Variants in TRANK1 observed in about 807,000 individuals in gnomAD.
The protein encoded by TRANK1 is tetratricopeptide repeat and ankyrin repeat containing 1.
TRANK1 carries 198 observed loss-of-function variants against 266.0 expected under a neutral mutation model. The ratio of observed to expected loss-of-function variants is 0.74; its 90% CI spans 0.66 to 0.84. The LOEUF (loss-of-function observed/expected upper bound fraction) is 0.84, where lower values mean the gene tolerates loss of function less well. TRANK1 is among the 40% of genes least tolerant of loss of function. The probability of loss-of-function intolerance (pLI) is 0.00; values close to 1 mark genes in which losing one functional copy is unlikely to be tolerated. For missense variants in TRANK1, 3,326 were observed against 3,634.6 expected, an observed-to-expected ratio of 0.92 and a Z score of 2.18; for synonymous variants, 1,396 against 1,384.1, an observed-to-expected ratio of 1.01 and a Z score of -0.19.
intron 1 of TRANK1, among the ~76,000 whole-genome samples, chr3:36,940,722 G>T (rs190558216): frequency 6.6e-6 from 1 of 152,066 alleles, no homozygotes; most frequent in South Asian, 2.1e-4. Flanking sequence ...CATTAACTCC[G>T]TTCTATCACA....
chr3:36,834,543 C>G (rs571210571), intron 21 of TRANK1: 303 of 488,464 alleles, frequency 6.2e-4, no homozygotes, highest in Non-Finnish European at 9.2e-4. Flanking sequence ...TCAGCCCCCT[C>G]TCTTTGTGAC....
intron 1 of TRANK1, among the ~76,000 whole-genome samples, chr3:36,939,260 T>TACACACACACAC (rs10623771): frequency 4.3e-5 from 6 of 139,830 alleles, no homozygotes; most frequent in South Asian, 2.4e-4. Context: ...CATTCTAACA[T>TACACACACACAC]ACACACACAC....
In TRANK1 at chr3:36,856,503, G is replaced by T; in HGVS notation, c.3219C>A (p.Ile1073=). The change falls in exon 13 of 24, where the codon ATC becomes ATA. Residue 1073 remains isoleucine (I), a synonymous_variant. Coordinates refer to ENST00000645898, the MANE Select transcript of TRANK1 (RefSeq NM_001329998.2). ...TCCCAGTGCCACTTCGCCCAATAAGGATGATGGGCTCCAGTGGCCTGGGAT... is the reference window on the plus strand; with the variant it reads ...TCCCAGTGCCACTTCGCCCAATAAGTATGATGGGCTCCAGTGGCCTGGGAT... ...DLNPRPLEPI[I]LIGRSGTGKT... is the part of the protein sequence containing the mutation. 1 of 1,613,992 alleles carries T rather than the reference G, an allele frequency of 6.2e-7. No homozygotes were observed. Among genetic ancestry groups the T allele is most frequent in the Non-Finnish European group, 8.5e-7 (1 of 1,179,894 alleles).
At position 36,892,954 on chromosome 3, in the gene TRANK1, G is replaced by A. The variant is rs771212648; in HGVS notation, c.583C>T (p.Arg195Ter). ...SFLLLSAKKD[R>*]LPRNIHVPEL... ...GGGACATGAATATTTCTTGGTAATC[G>A]GTCTTTTTTTGCTGACAGAAGCAGA... Residue 195 changes from arginine to a stop codon, truncating the protein, a stop_gained, in exon 6 of 24, where the codon CGA becomes TGA. Transcript: ENST00000645898. LOFTEE classifies it high-confidence loss of function. The A allele has an allele frequency of 1.3e-5, 19 of 1,510,224 alleles. No homozygotes were observed. Among genetic ancestry groups the A allele is most frequent in the East Asian group, 2.5e-5 (1 of 40,000 alleles). 93.6% of individuals were successfully genotyped at this position (1,510,224 alleles called of 1,614,324 possible).
At chr3:36,848,242 T>A (rs1007701957) in intron 15 of TRANK1, among the ~76,000 whole-genome samples, 15 of 152,216 alleles carry the variant, frequency 9.9e-5, no homozygotes, top group African/African-American at 3.4e-4. Flanking sequence ...ATAATTTTTA[T>A]ATACCATAAA....
chr3:36,928,270 C>T (rs1305092012), intron 1 of TRANK1, among the ~76,000 whole-genome samples: 5 of 152,150 alleles, frequency 3.3e-5, no homozygotes, highest in Non-Finnish European at 5.9e-5. Flanking sequence ...CATGAAGCAA[C>T]GTGGTTTTTT....
At position 36,833,368 on chromosome 3, in the gene TRANK1, T is replaced by C; in HGVS notation, c.6215A>G (p.Gln2072Arg). Reference protein sequence around the residue: ...VVEALYEAASQCEAEPEKILG... With the variant: ...VVEALYEAASRCEAEPEKILG... The stretch of plus-strand genomic sequence containing the variant: ...AATCTTCTCAGGCTCGGCCTCACAC[T>C]GGCTGGCTGCTTCGTAGAGTGCTTC... The change falls in exon 22 of 24, where the codon CAG becomes CGG. Residue 2072 changes from glutamine to arginine, a missense_variant. Gln to Arg is a conservative substitution (Grantham distance 43, BLOSUM62 1). Transcript: ENST00000645898. The C allele has an allele frequency of 1.9e-6, 3 of 1,613,854 alleles. No homozygotes were observed. Among genetic ancestry groups the C allele is most frequent in the Non-Finnish European group, 2.5e-6 (3 of 1,179,782 alleles).
intron 2 of TRANK1, among the ~76,000 whole-genome samples, chr3:36,907,604 A>G (rs2079990787): frequency 6.6e-6 from 1 of 150,634 alleles, no homozygotes; most frequent in East Asian, 2.0e-4. Context: ...AGCTGGGACT[A>G]CAGGTGCCCA....
intron 6 of TRANK1, 146 bp from the exon 7 acceptor site, chr3:36,892,486 G>T: frequency 9.3e-7 from 1 of 1,074,628 alleles, no homozygotes; most frequent in Non-Finnish European, 1.3e-6. Context: ...ACAAATTTGT[G>T]GTAAGGCAGC....
At chr3:36,939,217 C>T (rs2125671591) in intron 1 of TRANK1, among the ~76,000 whole-genome samples, 2 of 151,800 alleles carry the variant, frequency 1.3e-5, no homozygotes, top group Middle Eastern at 6.8e-3. Context: ...CCTCTACCCT[C>T]ATGTAGAATA....
intron 15 of TRANK1, among the ~76,000 whole-genome samples, chr3:36,849,411 A>T (rs928406097): frequency 6.6e-6 from 1 of 152,220 alleles, no homozygotes; most frequent in Non-Finnish European, 1.5e-5. Flanking sequence ...ACATCTCAAG[A>T]GATGGCTCTG....
At chr3:36,922,350 A>T (rs1230049345) in intron 1 of TRANK1, among the ~76,000 whole-genome samples, 4 of 152,164 alleles carry the variant, frequency 2.6e-5, no homozygotes, top group African/African-American at 9.7e-5. Flanking sequence ...TCACGCCTGT[A>T]ATCCCAGCAC....
chr3:36,862,855 T>G (rs1382162309), intron 10 of TRANK1, among the ~76,000 whole-genome samples: 1 of 152,186 alleles, frequency 6.6e-6, no homozygotes, highest in Non-Finnish European at 1.5e-5. Context: ...GTGAGCTCCC[T>G]GAAGCCAGCT....
intron 21 of TRANK1, 26 bp from the exon 22 acceptor site, chr3:36,833,945 C>A (rs369566262): frequency 1.3e-6 from 2 of 1,564,282 alleles, no homozygotes; most frequent in South Asian, 2.4e-5. Flanking sequence ...ACACAAATGT[C>A]AACTTGCCAT....
intron 9 of TRANK1, among the ~76,000 whole-genome samples, chr3:36,869,420 G>A (rs2079273571): frequency 6.6e-6 from 1 of 152,226 alleles, no homozygotes; most frequent in African/African-American, 2.4e-5. Flanking sequence ...ATCATGGTCT[G>A]TAAATTGGAA....
chr3:36,829,807 C>T, intron 22 of TRANK1, 145 bp from the exon 23 acceptor site: 6 of 757,682 alleles, frequency 7.9e-6, no homozygotes, highest in Non-Finnish European at 1.1e-5. Flanking sequence ...GTAAGGGACC[C>T]AAAGCTGCCT....
At chr3:36,881,897 C>T (rs1019396761) in intron 8 of TRANK1, among the ~76,000 whole-genome samples, 1 of 152,172 alleles carries the variant, frequency 6.6e-6, no homozygotes, top group African/African-American at 2.4e-5. Flanking sequence ...CGCAATCTTC[C>T]TCCGTGTTGT....
At chr3:36,944,091 C>T (rs2080535958) in intron 1 of TRANK1, among the ~76,000 whole-genome samples, 1 of 152,094 alleles carries the variant, frequency 6.6e-6, no homozygotes, top group African/African-American at 2.4e-5. Flanking sequence ...CGCAACGCGC[C>T]TCCCAGGCAA....
chr3:36,832,789 C>G lies in TRANK1; in HGVS notation c.6794G>C (p.Cys2265Ser), dbSNP rs1237398517. The change falls in exon 22 of 24, where the codon TGC becomes TCC. Residue 2265 changes from cysteine (C) to serine (S), a missense_variant. Physicochemically the swap from Cys to Ser is moderately radical, Grantham distance 112. Coordinates refer to ENST00000645898, the MANE Select transcript of TRANK1 (RefSeq NM_001329998.2). The part of the protein sequence containing the change: ...YILSTDMYGL[C>S]KSILDVLFPK... The stretch of plus-strand genomic sequence containing the variant: ...GAAAAGGACATCCAGAATGGACTTG[C>G]AAAGGCCATACATATCTGTAGACAA... The G allele has an allele frequency of 6.2e-7, 1 of 1,613,996 alleles. No individual in the cohort carries two copies. Among genetic ancestry groups the G allele is most frequent in the African/African-American group, 1.3e-5 (1 of 75,042 alleles).
Sources: gnomAD v4.1 joint callset for allele counts (sites outside exome capture counted in the v4.1 genomes callset) on GRCh38, gnomAD v4.1.1 for gene constraint, MANE v1.5 for transcripts, NCBI Gene and HGNC (gene_info 2026-07-23, HGNC 2026-07-21) for gene names.